Variants in SNTG1 observed in about 807,000 individuals in gnomAD.
SNTG1 encodes syntrophin gamma 1.
Under a neutral mutation model 74.7 loss-of-function variants are expected in SNTG1, and 39 were observed. The observed-to-expected ratio is 0.52, with a 90% confidence interval of 0.40 to 0.68. The LOEUF (loss-of-function observed/expected upper bound fraction) is 0.68, where lower values mean the gene tolerates loss of function less well. Ranked by LOEUF, SNTG1 falls within the 30% of genes least tolerant of loss-of-function variation. The probability of loss-of-function intolerance (pLI) is 0.00; values close to 1 mark genes in which losing one functional copy is unlikely to be tolerated. For missense variants in SNTG1, 685 were observed against 609.5 expected, an observed-to-expected ratio of 1.12 and a Z score of -1.30; for synonymous variants, 254 against 217.1, an observed-to-expected ratio of 1.17 and a Z score of -1.49.
rs35004246 is a variant in SNTG1, at chr8:50,647,892, AT to A, written c.850-9007del. Reference sequence around the variant, plus strand: ...TTATGCCTGTAATTCCCATTTTTACATTTTTTTTTTAGAAATTAAGAGATAC... The same window carrying A: ...TTATGCCTGTAATTCCCATTTTTACATTTTTTTTTAGAAATTAAGAGATAC... On this transcript the variant is annotated intron_variant, in intron 13 of 18. Transcript: ENST00000642720. Among the ~76,000 whole-genome samples, 685 of 149,082 alleles carry A rather than the reference AT, an allele frequency of 4.6e-3. 2 individuals are homozygous for A. The highest frequency in any genetic ancestry group is 7.1e-3 in the Non-Finnish European group (474 of 66,982).
At chr8:49,932,050 G>C (rs1807641860) in intron 1 of SNTG1, among the ~76,000 whole-genome samples, 1 of 152,092 alleles carries the variant, frequency 6.6e-6, no homozygotes, top group Non-Finnish European at 1.5e-5. Context: ...AAGGAAAAAA[G>C]TTATACAATT....
intron 4 of SNTG1, among the ~76,000 whole-genome samples, chr8:50,408,704 C>A (rs1345920695): frequency 3.3e-5 from 5 of 152,158 alleles, no homozygotes; most frequent in Non-Finnish European, 5.9e-5. Context: ...ATCTGAAAAT[C>A]AAGGATTGGC....
chr8:49,980,243 C>T (rs533815260), intron 1 of SNTG1, among the ~76,000 whole-genome samples: 2 of 152,130 alleles, frequency 1.3e-5, no homozygotes, highest in Non-Finnish European at 2.9e-5. Context: ...CTCTGGATAT[C>T]TCTTCCAATT....
chr8:50,033,107 G>A (rs1042903297), intron 1 of SNTG1, among the ~76,000 whole-genome samples: 2 of 151,082 alleles, frequency 1.3e-5, no homozygotes, highest in African/African-American at 4.9e-5. Context: ...AAGGAACTAT[G>A]CAATAAAAAG....
At chr8:50,718,557 G>A (rs1295651927) in intron 17 of SNTG1, among the ~76,000 whole-genome samples, 1 of 152,148 alleles carries the variant, frequency 6.6e-6, no homozygotes, top group African/African-American at 2.4e-5. Flanking sequence ...GAATGAGGAG[G>A]TTAGCCCAGG....
chr8:50,215,046 G>C (rs2084712055), intron 2 of SNTG1, among the ~76,000 whole-genome samples: 1 of 152,062 alleles, frequency 6.6e-6, no homozygotes, highest in Non-Finnish European at 1.5e-5. Context: ...TGTAGACTGA[G>C]TTTGCTTTGC....
chr8:49,987,120 G>A (rs920006025), intron 1 of SNTG1, among the ~76,000 whole-genome samples: 1 of 152,158 alleles, frequency 6.6e-6, no homozygotes, highest in Non-Finnish European at 1.5e-5. Flanking sequence ...TCCATGAGGA[G>A]ATACTTCCAA....
chr8:50,282,500 C>T (rs560334740), intron 2 of SNTG1, among the ~76,000 whole-genome samples: 4 of 152,168 alleles, frequency 2.6e-5, no homozygotes, highest in Non-Finnish European at 5.9e-5. Flanking sequence ...GCCAGGAAAA[C>T]TTTTTAGCCA....
chr8:50,152,832 T>C (rs941494033), intron 1 of SNTG1, among the ~76,000 whole-genome samples: 7 of 152,224 alleles, frequency 4.6e-5, no homozygotes, highest in African/African-American at 1.7e-4. Context: ...CTGGCTGCCC[T>C]TAACATTTTT....
At chr8:50,462,103 C>G (rs536322957) in intron 8 of SNTG1, among the ~76,000 whole-genome samples, 1 of 151,948 alleles carries the variant, frequency 6.6e-6, no homozygotes, top group Non-Finnish European at 1.5e-5. Context: ...AAAGAACTTA[C>G]CCATGTAACC....
chr8:50,636,582 T>C (rs2095040865), intron 13 of SNTG1, among the ~76,000 whole-genome samples: 1 of 152,040 alleles, frequency 6.6e-6, no homozygotes, highest in Non-Finnish European at 1.5e-5. Context: ...GTCACTATGC[T>C]CTCCTTCCCC....
chr8:50,194,593 T>C (rs2083695761), intron 2 of SNTG1, among the ~76,000 whole-genome samples: 1 of 152,102 alleles, frequency 6.6e-6, no homozygotes, highest in African/African-American at 2.4e-5. Context: ...GGTCTATTAA[T>C]TTTATTTATC....
intron 5 of SNTG1, among the ~76,000 whole-genome samples, chr8:50,448,982 C>T (rs143173488): frequency 0.028 from 4,223 of 152,124 alleles, 188 homozygotes; most frequent in African/African-American, 0.095. Flanking sequence ...GAGCCAAGAT[C>T]GCGCCATGGC....
chr8:50,207,284 T>A (rs528118987), intron 2 of SNTG1, among the ~76,000 whole-genome samples: 9 of 152,174 alleles, frequency 5.9e-5, no homozygotes, highest in Non-Finnish European at 8.8e-5. Context: ...TTCTTCCTGG[T>A]TTAGTCTTGG....
At chr8:50,124,464 G>A (rs1281636466) in intron 1 of SNTG1, among the ~76,000 whole-genome samples, 1 of 142,290 alleles carries the variant, frequency 7.0e-6, no homozygotes, top group Non-Finnish European at 1.6e-5. Flanking sequence ...TTTTTTAATA[G>A]ACTGTGTAAA....
intron 18 of SNTG1, among the ~76,000 whole-genome samples, chr8:50,785,065 A>C (rs1313534787): frequency 6.6e-6 from 1 of 152,010 alleles, no homozygotes; most frequent in African/African-American, 2.4e-5. Flanking sequence ...TTTAGAGAAA[A>C]ATTTTAACTT....
intron 13 of SNTG1, among the ~76,000 whole-genome samples, chr8:50,602,942 C>A (rs1457189326): frequency 9.7e-6 from 1 of 103,568 alleles, no homozygotes; most frequent in Non-Finnish European, 2.0e-5. Flanking sequence ...TTTTAGAGTT[C>A]TTTCATTTTC....
At chr8:50,731,413 A>T (rs554114197) in intron 17 of SNTG1, among the ~76,000 whole-genome samples, 1 of 152,258 alleles carries the variant, frequency 6.6e-6, no homozygotes, top group Non-Finnish European at 1.5e-5. Flanking sequence ...ATCATTATGC[A>T]AATTAGTAAA....
chr8:50,705,621 G>A (rs994890254), intron 16 of SNTG1, among the ~76,000 whole-genome samples: 3 of 151,674 alleles, frequency 2.0e-5, no homozygotes, highest in Non-Finnish European at 4.4e-5. Flanking sequence ...AGTGACATGT[G>A]CTTGTTATTC....
Sources: gnomAD v4.1 joint callset for allele counts (sites outside exome capture counted in the v4.1 genomes callset) on GRCh38, gnomAD v4.1.1 for gene constraint, MANE v1.5 for transcripts, NCBI Gene and HGNC (gene_info 2026-07-23, HGNC 2026-07-21) for gene names.